Variants in TYW3 observed in about 807,000 individuals in gnomAD.
The protein encoded by TYW3 is tRNA wybutosine-synthesizing protein 3 homolog.
TYW3 carries 26 observed loss-of-function variants against 23.1 expected under a neutral mutation model. That is an observed-to-expected ratio of 1.13 (90% confidence interval 0.83 to 1.56). The LOEUF (loss-of-function observed/expected upper bound fraction) is 1.56, where lower values mean the gene tolerates loss of function less well. Among genes scored for constraint, TYW3 ranks in the 40% most tolerant of loss-of-function variants. The pLI is 0.00. For synonymous variants in TYW3, 102 were observed against 105.7 expected, an observed-to-expected ratio of 0.97 and a Z score of 0.21; for missense variants, 316 against 311.9, an observed-to-expected ratio of 1.01 and a Z score of -0.10.
chr1:74,751,332 A>G (rs1570070994), intron 4 of TYW3: 1 of 152,288 alleles, frequency 6.6e-6, no homozygotes, highest in East Asian at 1.9e-4. Context: ...GTCACCCTGT[A>G]TCTTCATGCC....
In TYW3 at chr1:74,733,251, C is replaced by A; in HGVS notation, c.7C>A (p.Arg3Ser). 1 of 1,613,906 alleles carries A rather than the reference C, an allele frequency of 6.2e-7. No homozygotes were observed. Among genetic ancestry groups the A allele is most frequent in the Non-Finnish European group, 8.5e-7 (1 of 1,179,886 alleles). The change falls in exon 1 of 6, where the codon CGC becomes AGC. Residue 3 changes from arginine (R) to serine (S), a missense_variant. Physicochemically the swap from Arg to Ser is moderately radical, Grantham distance 110. Coordinates refer to ENST00000370867, the MANE Select transcript of TYW3 (RefSeq NM_138467.3). MD[R>S]SAEFRKWKAQ... is the part of the protein sequence containing the mutation. ...GACCCTGAGTCCGTCACCCATGGAT[C>A]GCAGCGCGGAGTTCAGGAAATGGAA... is the stretch of plus-strand genomic sequence containing the variant.
chr1:74,750,511 C>A (rs1182264388), intron 4 of TYW3, among the ~76,000 whole-genome samples: 1 of 151,850 alleles, frequency 6.6e-6, no homozygotes, highest in Admixed American at 6.6e-5. Context: ...TTGCAGTGAG[C>A]CAAGATCATG....
Position 74,764,263 on chromosome 1 carries a change from A to G in TYW3, c.*150A>G, listed in dbSNP as rs929614985. The G allele has an allele frequency of 1.5e-6, 1 of 655,540 alleles. No individual in the cohort carries two copies. Among genetic ancestry groups the G allele is most frequent in the Non-Finnish European group, 2.5e-6 (1 of 399,536 alleles). The allele number at this position is 655,540 out of a possible 1,614,324, so 40.6% of individuals were successfully genotyped here. A position where few individuals can be genotyped will look rare whatever the true frequency, so the allele number is the denominator to read the frequency against. ...GCTTCAAACTATAACTTTGTTGCCC[A>G]GAGGATGTGCAGTTGTCATCTAAGC... On this transcript the variant is annotated 3_prime_UTR_variant, in exon 6 of 6. Transcript: ENST00000370867.
At chr1:74,741,230 G>A (rs1406862966) in intron 3 of TYW3, among the ~76,000 whole-genome samples, 1 of 152,186 alleles carries the variant, frequency 6.6e-6, no homozygotes, top group East Asian at 1.9e-4. Flanking sequence ...GATTATGTAG[G>A]TTTTCACTTA....
chr1:74,739,878 C>T (rs1050314024), intron 3 of TYW3, among the ~76,000 whole-genome samples: 2 of 152,136 alleles, frequency 1.3e-5, no homozygotes, highest in Non-Finnish European at 2.9e-5. Context: ...ATATGTATTT[C>T]AGCATTTGAA....
intron 4 of TYW3, among the ~76,000 whole-genome samples, chr1:74,751,643 C>T (rs1025692716): frequency 1.5e-4 from 22 of 150,860 alleles, no homozygotes; most frequent in Non-Finnish European, 2.5e-4. Context: ...GCACTCCAGC[C>T]GGGGCAACAA....
At position 74,733,356 on chromosome 1, in the gene TYW3, A is replaced by C; in HGVS notation, c.112A>C (p.Asn38His). The C allele has an allele frequency of 6.2e-7, 1 of 1,614,188 alleles. No individual in the cohort carries two copies. Among genetic ancestry groups the C allele is most frequent in the South Asian group, 1.1e-5 (1 of 91,084 alleles). ...TGTGGTAGAGCTTGTGCAGTTTCTGAACATGCGAGATCAGTTTTTCACCAC... is the reference window on the plus strand; with the variant it reads ...TGTGGTAGAGCTTGTGCAGTTTCTGCACATGCGAGATCAGTTTTTCACCAC... Reference protein sequence around the residue: ...EDVVELVQFLNMRDQFFTTSS... With the variant: ...EDVVELVQFLHMRDQFFTTSS... The change falls in exon 1 of 6, where the codon AAC becomes CAC. Residue 38 changes from asparagine to histidine, a missense_variant. By Grantham distance (68) the Asn-to-His change is moderately conservative. Transcript: ENST00000370867.
intron 3 of TYW3, among the ~76,000 whole-genome samples, chr1:74,743,241 C>T (rs954222148): frequency 6.6e-6 from 1 of 152,120 alleles, no homozygotes; most frequent in African/African-American, 2.4e-5. Context: ...CATTTTATGT[C>T]CTCTCTGAAC....
At chr1:74,758,680 T>C (rs1649030342) in intron 5 of TYW3, among the ~76,000 whole-genome samples, 2 of 148,648 alleles carry the variant, frequency 1.3e-5, no homozygotes, top group African/African-American at 5.1e-5. Context: ...TATCGTCATT[T>C]ACCAGCCATT....
chr1:74,739,064 T>C (rs72970042), intron 3 of TYW3, among the ~76,000 whole-genome samples: 4,701 of 152,284 alleles, frequency 0.031, 247 homozygotes, highest in African/African-American at 0.11. Context: ...AGTTTGTTTT[T>C]GTTTGCCAAG....
intron 5 of TYW3, among the ~76,000 whole-genome samples, chr1:74,756,042 T>C (rs1321590240): frequency 2.0e-5 from 3 of 152,328 alleles, no homozygotes; most frequent in East Asian, 3.9e-4. Context: ...CCTGCTGCCA[T>C]GTGAGACATG....
intron 4 of TYW3, 152 bp from the exon 5 acceptor site, chr1:74,752,140 C>A: frequency 1.5e-6 from 1 of 671,986 alleles, no homozygotes; most frequent in Non-Finnish European, 2.3e-6. Context: ...TTTGCTTTAA[C>A]TGTGCTCAGC....
intron 3 of TYW3, among the ~76,000 whole-genome samples, chr1:74,739,462 AG>A (rs1206054563): frequency 6.6e-6 from 1 of 152,258 alleles, no homozygotes. Flanking sequence ...ACTTGAAGAT[AG>A]GCTTCTCTGA....
At chr1:74,738,475 T>A (rs1301482202) in intron 2 of TYW3, among the ~76,000 whole-genome samples, 1 of 152,220 alleles carries the variant, frequency 6.6e-6, no homozygotes, top group Non-Finnish European at 1.5e-5. Context: ...AAGAATGGTA[T>A]AGAAGATTTA....
At chr1:74,752,716 C>T (rs1166761190) in intron 5 of TYW3, among the ~76,000 whole-genome samples, 5 of 152,110 alleles carry the variant, frequency 3.3e-5, no homozygotes, top group Admixed American at 3.3e-4. Context: ...TCTGGAAGGA[C>T]AGCCCAGCAG....
intron 3 of TYW3, among the ~76,000 whole-genome samples, chr1:74,747,579 G>A (rs950176222): frequency 1.3e-5 from 2 of 149,602 alleles, no homozygotes; most frequent in Admixed American, 6.7e-5. Flanking sequence ...GGAGCTTGCT[G>A]TGAGCCGAGA....
In TYW3 at chr1:74,765,704, G is replaced by A. The variant is rs1649284598; in HGVS notation, c.*1591G>A. ...AGGTGGAACGAGCCTATCCTGTGGT[G>A]AAATGACAACACATTCTGCAGTTTT... On this transcript the variant is annotated 3_prime_UTR_variant, in exon 6 of 6. Transcript: ENST00000370867. 6.6e-6 allele frequency: 1 copy of A among 152,070 alleles called. No individual in the cohort carries two copies. Among genetic ancestry groups the A allele is most frequent in the Admixed American group, 6.6e-5 (1 of 15,250 alleles). The allele number at this position is 152,070 out of a possible 1,614,324, so 9.4% of individuals were successfully genotyped here. A position where few individuals can be genotyped will look rare whatever the true frequency, so the allele number is the denominator to read the frequency against.
chr1:74,747,742 CACAT>C (rs1303183469), intron 3 of TYW3, among the ~76,000 whole-genome samples: 1 of 149,988 alleles, frequency 6.7e-6, no homozygotes. Flanking sequence ...TATATACACA[CACAT>C]ATATGTATAT....
At chr1:74,754,584 T>C (rs981279981) in intron 5 of TYW3, among the ~76,000 whole-genome samples, 40 of 152,062 alleles carry the variant, frequency 2.6e-4, no homozygotes, top group African/African-American at 9.7e-4. Context: ...AGTACTAAGA[T>C]TGGTTTGCCA....
Sources: allele counts gnomAD v4.1 joint callset (sites outside exome capture counted in the v4.1 genomes callset), GRCh38; gene constraint gnomAD v4.1.1; transcripts MANE v1.5; gene names NCBI Gene and HGNC (gene_info 2026-07-23, HGNC 2026-07-21).